Variants in PRKCE observed in about 807,000 individuals in gnomAD.
The protein encoded by PRKCE is protein kinase C epsilon, also known as protein kinase C epsilon type.
A neutral mutation model predicts 85.4 loss-of-function variants in PRKCE; 16 were observed. The observed-to-expected ratio is 0.19, with a 90% CI of 0.13 to 0.28. PRKCE has a LOEUF of 0.28. Ranked by LOEUF, PRKCE falls within the 10% of genes least tolerant of loss-of-function variation. The probability of loss-of-function intolerance (pLI) is 1.00; values close to 1 mark genes in which losing one functional copy is unlikely to be tolerated. For missense variants in PRKCE, 573 were observed against 975.2 expected (o/e 0.59, Z 5.49); for synonymous variants, 388 against 371.5 (o/e 1.04, Z -0.51).
At chr2:46,064,280 C>CAAAAAAAAAAAAAAAAAAAAAAAAAAAAA (rs58347072) in intron 10 of PRKCE, among the ~76,000 whole-genome samples, 1 of 90,848 alleles carries the variant, frequency 1.1e-5, no homozygotes, top group African/African-American at 3.8e-5. Flanking sequence ...GACTCTGTCT[C>CAAAAAAAAAAAAAAAAAAAAAAAAAAAAA]AAAAAAAAAA....
intron 1 of PRKCE, among the ~76,000 whole-genome samples, chr2:45,659,387 A>T (rs77525359): frequency 0.042 from 6,448 of 152,180 alleles, 189 homozygotes; most frequent in Non-Finnish European, 0.063. Context: ...CATCCTTTCC[A>T]TACCTTTGCT....
At chr2:45,984,795 G>A in intron 6 of PRKCE, 115 bp downstream of exon 6, 10 of 1,431,848 alleles carry the variant, frequency 7.0e-6, no homozygotes, top group Non-Finnish European at 7.5e-6. Context: ...CAAGAACTGA[G>A]TGCAAGCCTT....
chr2:45,969,675 C>T (rs896533651), intron 2 of PRKCE, among the ~76,000 whole-genome samples: 3 of 152,204 alleles, frequency 2.0e-5, no homozygotes, highest in Non-Finnish European at 4.4e-5. Flanking sequence ...GGGAGCACCT[C>T]ATTACCTAAT....
intron 11 of PRKCE, among the ~76,000 whole-genome samples, chr2:46,127,400 T>C (rs750710764): frequency 7.2e-5 from 11 of 152,362 alleles, no homozygotes; most frequent in Non-Finnish European, 1.5e-4. Context: ...AACCAGCATC[T>C]GATCCTAACC....
rs1474656240 is a variant in PRKCE at position 45,895,720 on chromosome 2, G to A, written c.412+52657G>A. 6.6e-6 allele frequency among the ~76,000 whole-genome samples: 1 copy of A among 152,178 alleles called. No homozygotes were observed. The highest frequency in any genetic ancestry group is 1.5e-5 in the Non-Finnish European group (1 of 68,028). Reference sequence around the variant, plus strand: ...GCCCTTAATCTCTGCTAGGGGCTGGGGCAATCCAGTGGAAAAGGATGGTCT... The same window carrying A: ...GCCCTTAATCTCTGCTAGGGGCTGGAGCAATCCAGTGGAAAAGGATGGTCT... On this transcript the variant is annotated intron_variant, in intron 2 of 14. Coordinates refer to ENST00000306156, the MANE Select transcript of PRKCE (RefSeq NM_005400.3). This position sits in a 1 kb window ranked among gnomAD's most constrained non-coding sequence, Gnocchi z 4.8.
chr2:45,865,263 C>A (rs1326180988), intron 2 of PRKCE, among the ~76,000 whole-genome samples: 3 of 152,094 alleles, frequency 2.0e-5, no homozygotes, highest in South Asian at 2.1e-4. Flanking sequence ...GAATTCTCAA[C>A]CTATTTTAAT....
At chr2:46,027,486 T>A (rs1461901463) in intron 10 of PRKCE, among the ~76,000 whole-genome samples, 1 of 152,188 alleles carries the variant, frequency 6.6e-6, no homozygotes, top group African/African-American at 2.4e-5. Context: ...TCAAGGTGGG[T>A]CACAGCTAAA....
At chr2:46,097,519 C>CAAAAAAAAAAAAAAAAAAAAAA (rs66634467) in intron 11 of PRKCE, among the ~76,000 whole-genome samples, 33 of 94,096 alleles carry the variant, frequency 3.5e-4, no homozygotes, top group Non-Finnish European at 4.6e-4. Flanking sequence ...GACTCCGTCT[C>CAAAAAAAAAAAAAAAAAAAAAA]AAAAAAAAAA....
At chr2:45,709,386 G>A (rs542535260) in intron 1 of PRKCE, among the ~76,000 whole-genome samples, 1 of 152,356 alleles carries the variant, frequency 6.6e-6, no homozygotes, top group South Asian at 2.1e-4. Flanking sequence ...CTTGGCTCTT[G>A]CTTCATGCCC....
intron 2 of PRKCE, among the ~76,000 whole-genome samples, chr2:45,887,718 A>G (rs916708207): frequency 2.0e-5 from 3 of 152,188 alleles, no homozygotes; most frequent in African/African-American, 7.2e-5. Flanking sequence ...GCCTCCTGGA[A>G]CCCACAAAGT....
intron 1 of PRKCE, among the ~76,000 whole-genome samples, chr2:45,783,633 A>G (rs1322735815): frequency 6.6e-6 from 1 of 152,224 alleles, no homozygotes; most frequent in Non-Finnish European, 1.5e-5. Flanking sequence ...AAGTAGAATT[A>G]ACTAAAACAC....
At chr2:45,677,501 C>T (rs1019956039) in intron 1 of PRKCE, among the ~76,000 whole-genome samples, 5 of 152,040 alleles carry the variant, frequency 3.3e-5, no homozygotes, top group East Asian at 3.9e-4. Flanking sequence ...GGACTACAGG[C>T]GCCCGCCACC....
intron 2 of PRKCE, among the ~76,000 whole-genome samples, chr2:45,901,235 C>T (rs757837582): frequency 4.6e-5 from 7 of 152,114 alleles, no homozygotes; most frequent in Non-Finnish European, 1.0e-4. Flanking sequence ...CTTACAAAAC[C>T]GTCTGTGTTG....
intron 1 of PRKCE, among the ~76,000 whole-genome samples, chr2:45,745,120 G>A (rs1244580522): frequency 1.3e-5 from 2 of 152,140 alleles, no homozygotes. Context: ...AGGGAAGGCT[G>A]TTTTCTGGGG....
intron 2 of PRKCE, among the ~76,000 whole-genome samples, chr2:45,934,196 C>G (rs1699268033): frequency 6.6e-6 from 1 of 152,172 alleles, no homozygotes; most frequent in Admixed American, 6.5e-5. Context: ...ACTTCTGTCC[C>G]CACCAGTAGT....
At chr2:45,833,856 G>T (rs1225172704) in intron 1 of PRKCE, among the ~76,000 whole-genome samples, 1 of 152,144 alleles carries the variant, frequency 6.6e-6, no homozygotes, top group Non-Finnish European at 1.5e-5. Context: ...TGCTATTAGT[G>T]CTCACCTACC....
intron 10 of PRKCE, chr2:46,078,233 CA>C (rs913650371): frequency 6.6e-6 from 1 of 151,942 alleles, no homozygotes; most frequent in African/African-American, 2.4e-5. Context: ...TTTACAACTC[CA>C]GAAACTTCCA....
chr2:45,938,694 T>C (rs1459726364), intron 2 of PRKCE, among the ~76,000 whole-genome samples: 1 of 151,876 alleles, frequency 6.6e-6, no homozygotes, highest in African/African-American at 2.4e-5. Context: ...ACTCATGGTA[T>C]CATGCCTTAT....
intron 1 of PRKCE, among the ~76,000 whole-genome samples, chr2:45,684,468 G>A (rs540091730): frequency 3.6e-4 from 55 of 152,202 alleles, no homozygotes; most frequent in Non-Finnish European, 4.7e-4. Flanking sequence ...TCTGCCTTGC[G>A]GCATAGCATG....
Sources: allele counts gnomAD v4.1 joint callset (sites outside exome capture counted in the v4.1 genomes callset), GRCh38; gene constraint gnomAD v4.1.1; non-coding constraint Gnocchi (gnomAD v3.1); transcripts MANE v1.5; gene names NCBI Gene and HGNC (gene_info 2026-07-23, HGNC 2026-07-21).